Variants in ABCA1 observed in about 807,000 individuals in gnomAD.
ABCA1 encodes phospholipid-transporting ATPase ABCA1.
Under a neutral mutation model 262.5 loss-of-function variants are expected in ABCA1, and 133 were observed. The observed-to-expected ratio is 0.51, with a 90% CI of 0.44 to 0.59. ABCA1 has a LOEUF of 0.59. Among genes scored for constraint, ABCA1 ranks in the 20% least tolerant of loss-of-function variants. ABCA1 has a pLI of 0.00. For missense variants in ABCA1, 2,452 were observed against 2,777.5 expected (o/e 0.88, Z 2.63); for synonymous variants, 1,022 against 1,043.5 (o/e 0.98, Z 0.40).
intron 9 of ABCA1, 68 bp from the exon 10 acceptor site, chr9:104,837,635 T>C: frequency 6.3e-7 from 1 of 1,588,824 alleles, no homozygotes; most frequent in Admixed American, 1.7e-5. Flanking sequence ...TACAAGGGCT[T>C]TGGAGCCAGA....
At chr9:104,840,793 A>G (rs1273816351) in intron 8 of ABCA1, among the ~76,000 whole-genome samples, 3 of 152,220 alleles carry the variant, frequency 2.0e-5, no homozygotes, top group Non-Finnish European at 4.4e-5. Flanking sequence ...GACCTGCAGA[A>G]TTCAAATCTA....
At chr9:104,821,228 C>T (rs140125878) in intron 20 of ABCA1, 147 bp downstream of exon 20, 59 of 1,147,542 alleles carry the variant, frequency 5.1e-5, no homozygotes, top group Middle Eastern at 3.1e-4. Flanking sequence ...GGCTACAGAG[C>T]GAGACTCCAT....
Position 104,781,838 on chromosome 9 carries a change from T to C in ABCA1, c.*2477A>G, listed in dbSNP as rs1198994497. 6.6e-6 allele frequency: 1 copy of C among 152,524 alleles called. No homozygotes were observed. Among genetic ancestry groups the C allele is most frequent in the Non-Finnish European group, 1.5e-5 (1 of 67,976 alleles). 9.4% of individuals were successfully genotyped at this position (152,524 alleles called of 1,614,324 possible). ...ATTCCACAGGGAATATACAGAAATT[T>C]TGCTTGATTGAGTATAGAGTTGGTA... On this transcript the variant is annotated 3_prime_UTR_variant, in exon 50 of 50. Transcript: ENST00000374736.
chr9:104,825,380 C>A lies in ABCA1; in HGVS notation c.2542+303G>T, dbSNP rs1011698261. ...TAACGTCTTTGAGTCACAGTTCTCT[C>A]ATTTGAAAATTGCTGGTTATTATAG... On this transcript the variant is annotated intron_variant, in intron 17 of 49. Transcript: ENST00000374736. Among the ~76,000 whole-genome samples, 6 of 152,206 alleles carry A rather than the reference C, an allele frequency of 3.9e-5. No homozygotes were observed. In the South Asian group the frequency reaches 1.2e-3, roughly 31 times the overall value.
At chr9:104,876,518 G>A (rs1838181829) in intron 5 of ABCA1, among the ~76,000 whole-genome samples, 1 of 152,206 alleles carries the variant, frequency 6.6e-6, no homozygotes, top group Admixed American at 6.5e-5. Flanking sequence ...TGGGAGAGGA[G>A]CAGGCCTTGG....
intron 2 of ABCA1, among the ~76,000 whole-genome samples, chr9:104,897,083 ATTAT>A (rs1371152790): frequency 2.6e-5 from 4 of 152,112 alleles, no homozygotes; most frequent in Non-Finnish European, 4.4e-5. Context: ...TAATCAAGTG[ATTAT>A]TTATTAAATA....
At chr9:104,797,428 G>T (rs988963052) in intron 37 of ABCA1, among the ~76,000 whole-genome samples, 1 of 152,172 alleles carries the variant, frequency 6.6e-6, no homozygotes, top group African/African-American at 2.4e-5. Context: ...CCACTAAGTT[G>T]CCAGTAAGAC....
chr9:104,785,499 G>A lies in ABCA1; in HGVS notation c.6542C>T (p.Pro2181Leu). 1.4e-6 allele frequency: 2 copies of A among 1,437,444 alleles called. No homozygotes were observed. The highest frequency in any genetic ancestry group is 1.9e-6 in the Non-Finnish European group (2 of 1,066,388). 89.0% of individuals were successfully genotyped at this position (1,437,444 alleles called of 1,614,324 possible). The change falls in exon 49 of 50, where the codon CCA (proline) becomes CTA (leucine). Residue 2181 changes from proline to leucine, a missense_variant. Physicochemically the swap from Pro to Leu is moderately conservative, Grantham distance 98 (BLOSUM62 -3). Around this residue, in one of 4 missense-constraint regions of ABCA1, gnomAD observed 752 missense variants for 944.5 expected, o/e 0.80. Transcript: ENST00000374736. ...CCTGGCCAGAGAAGATAATGAAGAT[G>A]GAAGCTGGTATTGTAGCATGTTCCG... ...KHRNMLQYQL[P>L]SSLSSLARIF...
chr9:104,794,509 T>C lies in ABCA1; in HGVS notation c.5384A>G (p.Lys1795Arg), dbSNP rs753545860. The change falls in exon 40 of 50, where the codon AAG becomes AGG. Residue 1795 changes from lysine (K) to arginine (R), a missense_variant and splice_region_variant. Lys to Arg is a conservative substitution (Grantham distance 26). Transcript: ENST00000374736. ...TFVLELFTDN[K>R]LNNINDILKS... ...CAGGATATCATTGATATTATTCAGC[T>C]TCTAAAAAAAAAAAAAAAAAATGGG... 3 of 983,598 alleles carry C rather than the reference T, an allele frequency of 3.1e-6. No individual in the cohort carries two copies. Among genetic ancestry groups the C allele is most frequent in the Non-Finnish European group, 4.1e-6 (3 of 737,454 alleles). 60.9% of individuals were successfully genotyped at this position (983,598 alleles called of 1,614,324 possible).
chr9:104,829,216 TG>T, intron 14 of ABCA1, 78 bp from the exon 15 acceptor site: 2 of 1,446,532 alleles, frequency 1.4e-6, no homozygotes, highest in Non-Finnish European at 1.9e-6. Context: ...CCTCTGAGCC[TG>T]CATGCTAGAG....
chr9:104,794,570 A>G, intron 39 of ABCA1, 60 bp from the exon 40 acceptor site: 1 of 1,573,014 alleles, frequency 6.4e-7, no homozygotes, highest in Non-Finnish European at 8.6e-7. Flanking sequence ...AACGGGTGTC[A>G]TTCATGGTTT....
chr9:104,825,255 C>T (rs764127764), intron 17 of ABCA1, among the ~76,000 whole-genome samples: 26 of 152,168 alleles, frequency 1.7e-4, no homozygotes, highest in Non-Finnish European at 3.7e-4. Context: ...ATTGGGTGAG[C>T]ATTGGGAGGA....
At chr9:104,802,670 CA>C in intron 33 of ABCA1, among the ~76,000 whole-genome samples, 1 of 152,354 alleles carries the variant, frequency 6.6e-6, no homozygotes, top group South Asian at 2.1e-4. Flanking sequence ...AAATCAGTAA[CA>C]AGGAGCCTTC....
chr9:104,909,607 T>C (rs1280741534), intron 1 of ABCA1, among the ~76,000 whole-genome samples: 6 of 134,058 alleles, frequency 4.5e-5, no homozygotes, highest in African/African-American at 1.4e-4. Flanking sequence ...GCAAAAGAAA[T>C]ACACACACAC....
At chr9:104,802,545 T>A (rs898049690) in intron 33 of ABCA1, among the ~76,000 whole-genome samples, 2 of 152,258 alleles carry the variant, frequency 1.3e-5, no homozygotes, top group East Asian at 3.9e-4. Flanking sequence ...GCGCTGGCCT[T>A]ATACACAGGC....
intron 7 of ABCA1, among the ~76,000 whole-genome samples, chr9:104,852,013 G>A (rs555394062): frequency 3.3e-5 from 5 of 152,300 alleles, no homozygotes; most frequent in South Asian, 2.1e-4. Flanking sequence ...AAAATGAGAC[G>A]TGGGTATACA....
chr9:104,808,704 G>A (rs1188173504), intron 30 of ABCA1, among the ~76,000 whole-genome samples: 1 of 152,180 alleles, frequency 6.6e-6, no homozygotes, highest in Non-Finnish European at 1.5e-5. Context: ...ATTGAAACTT[G>A]AAAGTCAAGT....
At chr9:104,794,140 T>C (rs1829664510) in intron 40 of ABCA1, among the ~76,000 whole-genome samples, 1 of 152,192 alleles carries the variant, frequency 6.6e-6, no homozygotes, top group Non-Finnish European at 1.5e-5. Context: ...CAAATGCCAC[T>C]ATTTTCCTTA....
intron 21 of ABCA1, 98 bp from the exon 22 acceptor site, chr9:104,819,821 C>G: frequency 6.2e-7 from 1 of 1,610,170 alleles, no homozygotes; most frequent in Non-Finnish European, 8.5e-7. Context: ...GTTTCTGTTA[C>G]CAACCGCACC....
Sources: allele counts gnomAD v4.1 joint callset (sites outside exome capture counted in the v4.1 genomes callset), GRCh38; gene constraint gnomAD v4.1.1; regional missense constraint gnomAD v4.1.1; transcripts MANE v1.5; gene names NCBI Gene and HGNC (gene_info 2026-07-23, HGNC 2026-07-21).